The following OGFRL1 variants were observed in gnomAD, a reference collection of about 807,000 sequenced individuals.
The protein encoded by OGFRL1 is opioid growth factor receptor-like protein 1.
Under a neutral mutation model 32.4 loss-of-function variants are expected in OGFRL1, and 26 were observed. The observed-to-expected ratio is 0.80, with a 90% CI of 0.59 to 1.11. The LOEUF (loss-of-function observed/expected upper bound fraction) is 1.11. OGFRL1 is among the 50% of genes most tolerant of loss of function. The pLI is 0.00. For synonymous variants in OGFRL1, 211 were observed against 201.2 expected (o/e 1.05, Z -0.41); for missense variants, 521 against 546.4 (o/e 0.95, Z 0.46).
chr6:71,299,349 T>C (rs1264440193), intron 6 of OGFRL1, among the ~76,000 whole-genome samples: 5 of 152,216 alleles, frequency 3.3e-5, no homozygotes, highest in Non-Finnish European at 7.3e-5. Context: ...CTATGACATT[T>C]ATTACAAATC....
intron 6 of OGFRL1, 109 bp from the exon 7 acceptor site, chr6:71,301,277 T>C: frequency 2.1e-6 from 2 of 946,232 alleles, no homozygotes; most frequent in Non-Finnish European, 3.2e-6. Context: ...TTACACAGCA[T>C]ATTTCCATGG....
Position 71,293,338 on chromosome 6 carries a change from T to C in OGFRL1, c.280T>C (p.Tyr94His). Reference protein sequence around the residue: ...EATAKPKRSFYAARDLYKYRH... With the variant: ...EATAKPKRSFHAARDLYKYRH... The stretch of plus-strand genomic sequence containing the variant: ...AACTGCCAAACCAAAGAGAAGTTTT[T>C]ATGCTGCCAGGGATTTGTACAAGTA... Residue 94 changes from tyrosine (Y) to histidine (H), a missense_variant, in exon 2 of 7, where the codon TAT (tyrosine) becomes CAT (histidine). Tyr to His is a moderately conservative substitution (Grantham distance 83). Transcript: ENST00000370435. 6.2e-7 allele frequency: 1 copy of C among 1,613,904 alleles called. No homozygotes were observed. Among genetic ancestry groups the C allele is most frequent in the East Asian group, 2.2e-5 (1 of 44,846 alleles).
intron 1 of OGFRL1, among the ~76,000 whole-genome samples, chr6:71,292,328 C>A (rs1766076373): frequency 6.6e-6 from 1 of 152,154 alleles, no homozygotes; most frequent in African/African-American, 2.4e-5. Flanking sequence ...TAGTGAGAAT[C>A]ACACCACTTC....
Position 71,307,416 on chromosome 6 carries a change from A to G in OGFRL1, c.*5367A>G, listed in dbSNP as rs1415057110. 1 of 152,192 alleles carries G rather than the reference A, an allele frequency of 6.6e-6. No individual in the cohort carries two copies. Among genetic ancestry groups the G allele is most frequent in the Non-Finnish European group, 1.5e-5 (1 of 68,038 alleles). The allele number at this position is 152,192 out of a possible 1,614,324, so 9.4% of individuals were successfully genotyped here. A position where few individuals can be genotyped will look rare whatever the true frequency, so the allele number is the denominator to read the frequency against. ...TTTATTTATTTTGTAGTTGTTTAGA[A>G]AACTGTGAGCAGTTGGGCATTAGTA... On this transcript the variant is annotated 3_prime_UTR_variant, in exon 7 of 7. Coordinates refer to ENST00000370435, the MANE Select transcript of OGFRL1 (RefSeq NM_024576.5).
At chr6:71,299,487 A>G (rs1272790013) in intron 6 of OGFRL1, among the ~76,000 whole-genome samples, 1 of 152,190 alleles carries the variant, frequency 6.6e-6, no homozygotes, top group Non-Finnish European at 1.5e-5. Context: ...ATATAGATAT[A>G]GTAAATGTGT....
At position 71,302,209 on chromosome 6, in the gene OGFRL1, ATGAAT is replaced by A; in HGVS notation, c.*166_*170del. 1 of 524,930 alleles carries A rather than the reference ATGAAT, an allele frequency of 1.9e-6. No homozygotes were observed. Among genetic ancestry groups the A allele is most frequent in the South Asian group, 4.1e-5 (1 of 24,516 alleles). The allele number at this position is 524,930 out of a possible 1,614,324, so 32.5% of individuals were successfully genotyped here. A position where few individuals can be genotyped will look rare whatever the true frequency, so the allele number is the denominator to read the frequency against. On this transcript the variant is annotated 3_prime_UTR_variant, in exon 7 of 7. Transcript: ENST00000370435. ...GTTTGTTTTTTTATTTTGGATGACA[ATGAAT>A]TGAATATCTAATAAGGAGATTTAAG...
rs1359317442 is a variant in OGFRL1, at chr6:71,306,898, C to T, written c.*4849C>T. 6.6e-6 allele frequency: 1 copy of T among 152,104 alleles called. No homozygotes were observed. The highest frequency in any genetic ancestry group is 1.9e-4 in the East Asian group (1 of 5,188). 9.4% of individuals were successfully genotyped at this position (152,104 alleles called of 1,614,324 possible). Reference sequence around the variant, plus strand: ...TAGAGAAATTATTAAAAGTTTAATTCCAGTAGGCAGTTGGAGAAATCTGAA... The same window carrying T: ...TAGAGAAATTATTAAAAGTTTAATTTCAGTAGGCAGTTGGAGAAATCTGAA... On this transcript the variant is annotated 3_prime_UTR_variant, in exon 7 of 7. Coordinates refer to ENST00000370435, the MANE Select transcript of OGFRL1 (RefSeq NM_024576.5).
Position 71,289,900 on chromosome 6 carries a change from A to G in OGFRL1, c.234+730A>G, listed in dbSNP as rs80294746. The G allele has an allele frequency of 2.6e-3, 2,146 of 832,146 alleles. 37 individuals are homozygous for G. The African/African-American group carries it at 0.036, about 14-fold the overall frequency. 51.5% of individuals were successfully genotyped at this position (832,146 alleles called of 1,614,324 possible). On this transcript the variant is annotated intron_variant, in intron 1 of 6. Coordinates refer to ENST00000370435, the MANE Select transcript of OGFRL1 (RefSeq NM_024576.5). The stretch of plus-strand genomic sequence containing the variant: ...GAGGAAATATGTAGCCGACCCCCTG[A>G]AGAAGTGTGCATCCTGGAGGTGGTT...
chr6:71,296,596 C>T lies in OGFRL1; in HGVS notation c.546+35C>T, dbSNP rs765648411. 88 of 1,607,098 alleles carry T rather than the reference C, an allele frequency of 5.5e-5. No homozygotes were observed. The Admixed American group carries it at 9.1e-4, about 17-fold the overall frequency. ...GCTCATTTCATTTTATACAGGGTGG[C>T]CAAATAATATTGCTATTTCACTGTC... On this transcript the variant is annotated intron_variant, in intron 5 of 6. Transcript: ENST00000370435.
chr6:71,298,558 G>C (rs948671449), intron 6 of OGFRL1, among the ~76,000 whole-genome samples: 3 of 152,158 alleles, frequency 2.0e-5, no homozygotes, highest in African/African-American at 7.2e-5. Context: ...GGTGGAAACA[G>C]AGTCTCTTTT....
At chr6:71,290,725 T>C (rs1415836094) in intron 1 of OGFRL1, among the ~76,000 whole-genome samples, 1 of 152,248 alleles carries the variant, frequency 6.6e-6, no homozygotes. Flanking sequence ...CTGGAGCTAC[T>C]TTTAAAGCGT....
chr6:71,296,388 A>G lies in OGFRL1; in HGVS notation c.472A>G (p.Ile158Val). Residue 158 changes from isoleucine (I) to valine (V), a missense_variant, in exon 4 of 7, where the codon ATT (isoleucine) becomes GTT (valine). By Grantham distance (29) the Ile-to-Val change is conservative (BLOSUM62 3). Transcript: ENST00000370435. The part of the protein sequence containing the change: ...YEKLEHNHTY[I>V]QWLFPLREQG... ...AAAACTGGAGCACAACCACACTTAC[A>G]TTCAATGGTCAGTTACATATTATCT... is the stretch of plus-strand genomic sequence containing the variant. The G allele has an allele frequency of 6.2e-7, 1 of 1,611,312 alleles. No homozygotes were observed.
Position 71,308,797 on chromosome 6 carries a change from T to C in OGFRL1, c.*6748T>C, listed in dbSNP as rs1477025821. The C allele has an allele frequency of 6.6e-6, 1 of 152,232 alleles. No individual in the cohort carries two copies. The highest frequency in any genetic ancestry group is 1.9e-4 in the East Asian group (1 of 5,204). The allele number at this position is 152,232 out of a possible 1,614,324, so 9.4% of individuals were successfully genotyped here. A position where few individuals can be genotyped will look rare whatever the true frequency, so the allele number is the denominator to read the frequency against. On this transcript the variant is annotated 3_prime_UTR_variant, in exon 7 of 7. Coordinates refer to ENST00000370435, the MANE Select transcript of OGFRL1 (RefSeq NM_024576.5). ...GTTTCTAAAATAATAGAGTTAGAGT[T>C]CCTTTTGAGTAATTATTTTTAAGAA...
Position 71,296,486 on chromosome 6 carries a change from A to T in OGFRL1, c.480-9A>T. 1 of 1,601,070 alleles carries T rather than the reference A, an allele frequency of 6.2e-7. No homozygotes were observed. The highest frequency in any genetic ancestry group is 1.1e-5 in the South Asian group (1 of 88,290). ...TAATAGAAAAATTTTATTTTTTTAA[A>T]ATAAATAGGCTTTTCCCCCTGAGAG... is the stretch of plus-strand genomic sequence containing the variant. On this transcript the variant is annotated splice_polypyrimidine_tract_variant and intron_variant, in intron 4 of 6. Transcript: ENST00000370435.
intron 3 of OGFRL1, among the ~76,000 whole-genome samples, chr6:71,294,172 CT>C (rs1252838748): frequency 6.6e-6 from 1 of 152,182 alleles, no homozygotes; most frequent in Admixed American, 6.5e-5. Flanking sequence ...CACTTGTCTC[CT>C]TCCCAACTCT....
At chr6:71,292,160 T>C (rs1046787961) in intron 1 of OGFRL1, 1 of 152,228 alleles carries the variant, frequency 6.6e-6, no homozygotes, top group Non-Finnish European at 1.5e-5. Context: ...TGGTTGTATC[T>C]CAGGCTAAAT....
Position 71,307,719 on chromosome 6 carries a change from G to C in OGFRL1, c.*5670G>C, listed in dbSNP as rs528988971. 5 of 152,128 alleles carry C rather than the reference G, an allele frequency of 3.3e-5. No individual in the cohort carries two copies. The South Asian group carries it at 1.0e-3, about 32-fold the overall frequency. 9.4% of individuals were successfully genotyped at this position (152,128 alleles called of 1,614,324 possible). On this transcript the variant is annotated 3_prime_UTR_variant, in exon 7 of 7. Coordinates refer to ENST00000370435, the MANE Select transcript of OGFRL1 (RefSeq NM_024576.5). ...CAATTTACGTTAACTAGAAAAATTA[G>C]ATATATAATAAGTTTTGGTACTAAG...
intron 6 of OGFRL1, among the ~76,000 whole-genome samples, chr6:71,299,960 A>G (rs1766332025): frequency 6.6e-6 from 1 of 152,336 alleles, no homozygotes; most frequent in African/African-American, 2.4e-5. Flanking sequence ...ATGAATCATT[A>G]AGGTTTTTGT....
In OGFRL1 at chr6:71,293,624, C is replaced by G. The variant is rs887212217; in HGVS notation, c.400+13C>G. ...TTCAAGCCAGATGGTGAGTAACGTA[C>G]TACTTGATAAATTGCACTTTAAATA... On this transcript the variant is annotated intron_variant, in intron 3 of 6. Transcript: ENST00000370435. 6.5e-7 allele frequency: 1 copy of G among 1,536,266 alleles called. No individual in the cohort carries two copies. Among genetic ancestry groups the G allele is most frequent in the Admixed American group, 1.7e-5 (1 of 58,272 alleles).
Sources: allele counts gnomAD v4.1 joint callset (sites outside exome capture counted in the v4.1 genomes callset), GRCh38; gene constraint gnomAD v4.1.1; transcripts MANE v1.5; gene names NCBI Gene and HGNC (gene_info 2026-07-23, HGNC 2026-07-21).